BBS9: variants seen among roughly 807,000 people sequenced by gnomAD.
BBS9 encodes the protein protein PTHB1.
BBS9 carries 89 observed loss-of-function variants against 117.7 expected under a neutral mutation model. That is an observed-to-expected ratio of 0.76 (90% CI 0.64 to 0.90). BBS9 has a LOEUF of 0.90. Among genes scored for constraint, BBS9 ranks in the 40% least tolerant of loss-of-function variants. BBS9 has a pLI of 0.00. For missense variants in BBS9, 982 were observed against 1,042.2 expected (o/e 0.94, Z 0.80); for synonymous variants, 379 against 370.9 (o/e 1.02, Z -0.25).
At chr7:33,154,879 T>A (rs117673109) in intron 3 of BBS9, among the ~76,000 whole-genome samples, 5 of 152,252 alleles carry the variant, frequency 3.3e-5, no homozygotes, top group African/African-American at 1.2e-4. Flanking sequence ...TGTGGGGCTC[T>A]GGCCCCAAGC....
intron 19 of BBS9, among the ~76,000 whole-genome samples, chr7:33,460,430 G>A (rs917339131): frequency 4.6e-5 from 7 of 151,794 alleles, no homozygotes; most frequent in Non-Finnish European, 8.8e-5. Flanking sequence ...ACCATTTTAG[G>A]TACAAGGGAA....
intron 15 of BBS9, among the ~76,000 whole-genome samples, chr7:33,353,395 G>C (rs1294633446): frequency 6.6e-6 from 1 of 152,072 alleles, no homozygotes; most frequent in Non-Finnish European, 1.5e-5. Flanking sequence ...ACTTGCTTGG[G>C]TCAGTGTTGT....
At chr7:33,146,781 T>C (rs1321247009) in intron 2 of BBS9, among the ~76,000 whole-genome samples, 1 of 152,022 alleles carries the variant, frequency 6.6e-6, no homozygotes, top group African/African-American at 2.4e-5. Context: ...ACTATCATAA[T>C]TGTACCTAAT....
rs1182855810 is a variant in BBS9, at chr7:33,388,103, C to T, written c.2074C>T (p.Leu692Phe). The change falls in exon 19 of 23, where the codon CTT (leucine) becomes TTT (phenylalanine). Residue 692 changes from leucine to phenylalanine, a missense_variant. By Grantham distance (22) the Leu-to-Phe change is conservative (BLOSUM62 0). Transcript: ENST00000242067. ...ATTCAAAGATAAAACTCCTGCCCCT[C>T]TTCAACACCTGGACACCTTGTTAGA... is the stretch of plus-strand genomic sequence containing the variant. ...ARFKDKTPAP[L>F]QHLDTLLDGT... is the part of the protein sequence containing the mutation. The T allele has an allele frequency of 6.2e-7, 1 of 1,614,146 alleles. No homozygotes were observed. The highest frequency in any genetic ancestry group is 1.7e-5 in the Admixed American group (1 of 60,022).
At chr7:33,419,183 C>G (rs531666116) in intron 19 of BBS9, among the ~76,000 whole-genome samples, 3 of 151,790 alleles carry the variant, frequency 2.0e-5, no homozygotes, top group African/African-American at 4.8e-5. Flanking sequence ...CTTAATTATT[C>G]TTCATCACAC....
At chr7:33,617,321 C>T (rs2129219630) in intron 21 of BBS9, among the ~76,000 whole-genome samples, 1 of 152,088 alleles carries the variant, frequency 6.6e-6, no homozygotes, top group East Asian at 1.9e-4. Context: ...CAAAAGAAAG[C>T]AGAAGTCAAT....
chr7:33,354,393 C>A (rs1385090985), intron 15 of BBS9, among the ~76,000 whole-genome samples: 3 of 152,048 alleles, frequency 2.0e-5, no homozygotes, highest in Admixed American at 1.3e-4. Flanking sequence ...TATGTTGTCC[C>A]ATAAGGGTTA....
intron 19 of BBS9, among the ~76,000 whole-genome samples, chr7:33,449,473 G>A (rs933197748): frequency 6.6e-6 from 1 of 152,166 alleles, no homozygotes; most frequent in Admixed American, 6.5e-5. Context: ...TAGTTCTTAC[G>A]GCCCGGAGCC....
intron 1 of BBS9, among the ~76,000 whole-genome samples, chr7:33,138,259 A>T (rs886629993): frequency 6.6e-6 from 1 of 150,832 alleles, no homozygotes; most frequent in Non-Finnish European, 1.5e-5. Flanking sequence ...ATTGATGGAT[A>T]CTTTCCAGCT....
At chr7:33,370,061 G>A (rs1442288570) in intron 17 of BBS9, among the ~76,000 whole-genome samples, 1 of 152,084 alleles carries the variant, frequency 6.6e-6, no homozygotes, top group Non-Finnish European at 1.5e-5. Context: ...TTCTGATTCA[G>A]TATAGACCAG....
At position 33,234,440 on chromosome 7, in the gene BBS9, C is replaced by T. The variant is rs943873444; in HGVS notation, c.443-22796C>T. The stretch of plus-strand genomic sequence containing the variant: ...ATATTCACCACAATCAAGCAATTAA[C>T]GTTCCATTACCTCATATAGTTAGCA... On this transcript the variant is annotated intron_variant, in intron 5 of 22. Coordinates refer to ENST00000242067, the MANE Select transcript of BBS9 (RefSeq NM_198428.3). Among the ~76,000 whole-genome samples the T allele has an allele frequency of 7.9e-5, 12 of 151,866 alleles. No homozygotes were observed. The South Asian group carries it at 2.3e-3, about 29-fold the overall frequency.
At chr7:33,485,177 A>G (rs2128982909) in intron 19 of BBS9, among the ~76,000 whole-genome samples, 1 of 152,272 alleles carries the variant, frequency 6.6e-6, no homozygotes, top group African/African-American at 2.4e-5. Flanking sequence ...CAGGAAGAAC[A>G]GCTAATGGGT....
intron 20 of BBS9, among the ~76,000 whole-genome samples, chr7:33,515,133 A>G (rs1394860514): frequency 1.3e-5 from 2 of 152,290 alleles, no homozygotes; most frequent in Non-Finnish European, 2.9e-5. Flanking sequence ...AAAAAACCAG[A>G]CACTGCCAAT....
At chr7:33,191,228 A>G (rs747266970) in intron 5 of BBS9, among the ~76,000 whole-genome samples, 1 of 152,300 alleles carries the variant, frequency 6.6e-6, no homozygotes, top group Non-Finnish European at 1.5e-5. Context: ...TGTTGGGTGC[A>G]GTTTTTCAGG....
chr7:33,287,653 C>A (rs1337536457), intron 9 of BBS9, among the ~76,000 whole-genome samples: 1 of 151,998 alleles, frequency 6.6e-6, no homozygotes, highest in African/African-American at 2.4e-5. Context: ...AGAGAAAATC[C>A]ACTGACTTTT....
intron 19 of BBS9, among the ~76,000 whole-genome samples, chr7:33,482,252 C>G (rs767452765): frequency 2.6e-5 from 4 of 152,196 alleles, no homozygotes; most frequent in African/African-American, 7.2e-5. Flanking sequence ...TGTTCAGGTG[C>G]TCACTGAGTG....
In BBS9 at chr7:33,155,623, TTC is replaced by T; in HGVS notation, c.264-11_264-10del. ...CTAATATTGGAAAACTTTAAAAACTTTCTCTGTTTTTCAGAGGTACCGAAATG... is the reference window on the plus strand; with the variant it reads ...CTAATATTGGAAAACTTTAAAAACTTTCTGTTTTTCAGAGGTACCGAAATG... On this transcript the variant is annotated splice_polypyrimidine_tract_variant and intron_variant, in intron 3 of 22. Transcript: ENST00000242067. 1 of 1,581,396 alleles carries T rather than the reference TTC, an allele frequency of 6.3e-7. No homozygotes were observed. The highest frequency in any genetic ancestry group is 8.7e-7 in the Non-Finnish European group (1 of 1,152,246).
intron 21 of BBS9, among the ~76,000 whole-genome samples, chr7:33,619,162 A>G (rs1865286221): frequency 6.6e-6 from 1 of 152,164 alleles, no homozygotes; most frequent in African/African-American, 2.4e-5. Context: ...ATGAAAAAAG[A>G]TATTTCATGA....
intron 19 of BBS9, among the ~76,000 whole-genome samples, chr7:33,420,406 A>G (rs1164741448): frequency 6.6e-6 from 1 of 152,136 alleles, no homozygotes; most frequent in African/African-American, 2.4e-5. Context: ...ACTTATGCCA[A>G]ACAAGACCCT....
Sources: gnomAD v4.1 joint callset for allele counts (sites outside exome capture counted in the v4.1 genomes callset) on GRCh38, gnomAD v4.1.1 for gene constraint, MANE v1.5 for transcripts, NCBI Gene and HGNC (gene_info 2026-07-23, HGNC 2026-07-21) for gene names.